The following TTC3 variants were observed in gnomAD, a reference collection of about 807,000 sequenced individuals.
The protein encoded by TTC3 is E3 ubiquitin-protein ligase TTC3.
A neutral mutation model predicts 249.6 loss-of-function variants in TTC3; 180 were observed. That is an observed-to-expected ratio of 0.72 (90% CI 0.64 to 0.82). The LOEUF (loss-of-function observed/expected upper bound fraction) is 0.82, where lower values mean the gene tolerates loss of function less well. Among genes scored for constraint, TTC3 ranks in the 40% least tolerant of loss-of-function variants. TTC3 has a pLI of 0.00. For synonymous variants in TTC3, 717 were observed against 805.0 expected (o/e 0.89, Z 1.85); for missense variants, 2,061 against 2,398.4 (o/e 0.86, Z 2.94).
exon 20 of TTC3, chr21:37,140,643 G>T (rs2078356042): frequency 6.2e-7 from 1 of 1,608,648 alleles, no homozygotes; most frequent in Non-Finnish European, 8.5e-7. Flanking sequence ...GCCTACTGTG[G>T]AATTGGAAAA....
chr21:37,152,041 C>A lies in TTC3; in HGVS notation c.2413+12C>A. The A allele has an allele frequency of 1.3e-6, 2 of 1,559,282 alleles. No homozygotes were observed. Among genetic ancestry groups the A allele is most frequent in the Non-Finnish European group, 1.7e-6 (2 of 1,161,170 alleles). On this transcript the variant is annotated intron_variant, in intron 26 of 45. Coordinates refer to ENST00000355666, the Ensembl canonical transcript of TTC3. ...TGAAGAGCAGAAAGGTATGCAGAAGCCAAAGGCATGATAAGAATAATATAC... is the reference window on the plus strand; with the variant it reads ...TGAAGAGCAGAAAGGTATGCAGAAGACAAAGGCATGATAAGAATAATATAC...
intron 5 of TTC3, 129 bp from the exon 6 acceptor site, chr21:37,090,104 A>T: frequency 3.5e-6 from 2 of 576,088 alleles, no homozygotes; most frequent in Non-Finnish European, 5.9e-6. Context: ...TGGTCATGTA[A>T]ATGCTTGTCG....
intron 44 of TTC3, 106 bp downstream of exon 44, chr21:37,198,131 C>A: frequency 1.5e-6 from 2 of 1,329,794 alleles, no homozygotes; most frequent in Non-Finnish European, 2.0e-6. Context: ...TTTATTTGAT[C>A]CCAACATTAG....
chr21:37,195,554 G>T, intron 41 of TTC3, 121 bp from the exon 42 acceptor site: 1 of 1,348,768 alleles, frequency 7.4e-7, no homozygotes, highest in Non-Finnish European at 1.0e-6. Flanking sequence ...TGGTATTCAG[G>T]TTTCCTGTGC....
intron 15 of TTC3, among the ~76,000 whole-genome samples, chr21:37,126,487 C>T (rs2077053099): frequency 6.6e-6 from 1 of 151,912 alleles, no homozygotes; most frequent in Non-Finnish European, 1.5e-5. Flanking sequence ...CTGTTTAGAC[C>T]TTTTTAAATC....
At chr21:37,089,004 G>T in intron 5 of TTC3, 118 bp downstream of exon 5, 1 of 857,892 alleles carries the variant, frequency 1.2e-6, no homozygotes, top group Non-Finnish European at 1.8e-6. Context: ...TTTAGTTTTG[G>T]TTAACCTGAG....
chr21:37,122,419 AATATAT>A (rs980094706), intron 12 of TTC3, among the ~76,000 whole-genome samples: 2 of 38,038 alleles, frequency 5.3e-5, no homozygotes, highest in East Asian at 1.1e-3. Flanking sequence ...ATATATATAT[AATATAT>A]ATATATATAT....
intron 41 of TTC3, chr21:37,194,451 C>T (rs1328677556): frequency 6.6e-6 from 1 of 152,172 alleles, no homozygotes; most frequent in Non-Finnish European, 1.5e-5. Flanking sequence ...AGATGAACTT[C>T]TCGCGTTACC....
At chr21:37,081,480 G>T (rs1196478523) in intron 1 of TTC3, 1 of 152,060 alleles carries the variant, frequency 6.6e-6, no homozygotes, top group East Asian at 1.9e-4. Flanking sequence ...TCTGTCTTTT[G>T]TGTTACATCA....
chr21:37,145,899 T>C lies in TTC3; in HGVS notation c.1893+1254T>C, dbSNP rs2078941988. On this transcript the variant is annotated intron_variant, in intron 21 of 45. Transcript: ENST00000355666. Reference sequence around the variant, plus strand: ...TCTGTTCATGAGAGATTCGTCGCCATGACTCAAAACACCTCCCACTGTGCC... The same window carrying C: ...TCTGTTCATGAGAGATTCGTCGCCACGACTCAAAACACCTCCCACTGTGCC... Among the ~76,000 whole-genome samples, 4 of 152,202 alleles carry C rather than the reference T, an allele frequency of 2.6e-5. No homozygotes were observed. In the South Asian group the frequency reaches 8.3e-4, roughly 31 times the overall value.
chr21:37,179,336 A>C (rs1227422486), intron 35 of TTC3, among the ~76,000 whole-genome samples: 1 of 152,224 alleles, frequency 6.6e-6, no homozygotes, highest in Non-Finnish European at 1.5e-5. Context: ...CAAGTTGCTT[A>C]TCAAATATTT....
chr21:37,144,867 G>A (rs896302843), intron 21 of TTC3, among the ~76,000 whole-genome samples: 5 of 152,142 alleles, frequency 3.3e-5, no homozygotes, highest in African/African-American at 9.7e-5. Context: ...TAGCAGCCCC[G>A]TGCAGGGGGG....
At chr21:37,074,338 C>G (rs1442832659) in intron 1 of TTC3, among the ~76,000 whole-genome samples, 1 of 152,148 alleles carries the variant, frequency 6.6e-6, no homozygotes, top group Non-Finnish European at 1.5e-5. Flanking sequence ...ATAGGGGGAT[C>G]AAAGATAAAA....
At chr21:37,129,430 T>C (rs963781707) in intron 16 of TTC3, among the ~76,000 whole-genome samples, 1 of 152,198 alleles carries the variant, frequency 6.6e-6, no homozygotes, top group African/African-American at 2.4e-5. Context: ...CTCTAAGGCC[T>C]CCTCCAGGAA....
At chr21:37,157,038 G>A in intron 28 of TTC3, 132 bp downstream of exon 28, 1 of 1,364,706 alleles carries the variant, frequency 7.3e-7, no homozygotes, top group Non-Finnish European at 1.0e-6. Context: ...GTTTATGTGG[G>A]GAAGTTAGTG....
intron 3 of TTC3, 40 bp downstream of exon 3, chr21:37,087,915 A>T: frequency 6.7e-7 from 1 of 1,481,742 alleles, no homozygotes; most frequent in Non-Finnish European, 9.3e-7. Context: ...TTATGGAAAG[A>T]CTACAAAGGG....
intron 11 of TTC3, among the ~76,000 whole-genome samples, chr21:37,116,952 T>A (rs2076192052): frequency 6.6e-6 from 1 of 152,196 alleles, no homozygotes; most frequent in South Asian, 2.1e-4. Context: ...TTTGAAGGCC[T>A]TAGGGAATTT....
At chr21:37,103,699 T>C (rs1427748112) in intron 10 of TTC3, among the ~76,000 whole-genome samples, 2 of 152,236 alleles carry the variant, frequency 1.3e-5, no homozygotes, top group Non-Finnish European at 2.9e-5. Context: ...TGATGGATAA[T>C]GTCAGAAATG....
chr21:37,147,131 T>TA (rs1212006247), intron 21 of TTC3, among the ~76,000 whole-genome samples: 1 of 152,206 alleles, frequency 6.6e-6, no homozygotes, highest in Non-Finnish European at 1.5e-5. Flanking sequence ...AGGATTACCC[T>TA]AAGGGTTATT....
Sources: allele counts gnomAD v4.1 joint callset (sites outside exome capture counted in the v4.1 genomes callset), GRCh38; gene constraint gnomAD v4.1.1; transcripts MANE v1.5; gene names NCBI Gene and HGNC (gene_info 2026-07-23, HGNC 2026-07-21).